DLGAP2: variants seen among roughly 807,000 people sequenced by gnomAD.
The protein encoded by DLGAP2 is disks large-associated protein 2.
In DLGAP2, 26 loss-of-function variants were observed where a neutral mutation model predicts 100.3. The observed-to-expected ratio is 0.26, with a 90% CI of 0.19 to 0.36. The LOEUF (loss-of-function observed/expected upper bound fraction) is 0.36. Among genes scored for constraint, DLGAP2 ranks in the 10% least tolerant of loss-of-function variants. DLGAP2 has a pLI of 1.00. For missense variants in DLGAP2, 1,858 were observed against 1,453.2 expected (o/e 1.28, Z -4.53); for synonymous variants, 886 against 630.1 (o/e 1.41, Z -6.08).
At chr8:963,564 C>G (rs973927908) in intron 2 of DLGAP2, among the ~76,000 whole-genome samples, 1 of 152,048 alleles carries the variant, frequency 6.6e-6, no homozygotes, top group East Asian at 1.9e-4. Flanking sequence ...CTCAACACAA[C>G]GTAAGCAAGG....
chr8:910,899 GC>G (rs1464828679), intron 2 of DLGAP2, among the ~76,000 whole-genome samples: 3 of 152,064 alleles, frequency 2.0e-5, no homozygotes, highest in Non-Finnish European at 4.4e-5. Context: ...TCCTGGATGC[GC>G]CACCACATTT....
At chr8:959,690 G>T (rs928334515) in intron 2 of DLGAP2, among the ~76,000 whole-genome samples, 1 of 152,192 alleles carries the variant, frequency 6.6e-6, no homozygotes, top group African/African-American at 2.4e-5. Context: ...TTCATCATGG[G>T]TGTGAGAGGT....
chr8:1,267,285 G>T (rs1337057397), intron 3 of DLGAP2, among the ~76,000 whole-genome samples: 3 of 141,340 alleles, frequency 2.1e-5, no homozygotes, highest in Admixed American at 7.2e-5. Flanking sequence ...AAATAAAAAG[G>T]TCTGGGTGCA....
intron 2 of DLGAP2, among the ~76,000 whole-genome samples, chr8:1,190,727 G>A (rs895507701): frequency 2.6e-5 from 4 of 152,168 alleles, no homozygotes; most frequent in Non-Finnish European, 5.9e-5. Context: ...GAGGTCACCT[G>A]CCTCAATGAA....
intron 2 of DLGAP2, among the ~76,000 whole-genome samples, chr8:940,353 A>G (rs1799166609): frequency 1.4e-5 from 2 of 142,264 alleles, no homozygotes; most frequent in Admixed American, 1.4e-4. Flanking sequence ...GCACAGGGAC[A>G]GAGAGAGAGA....
intron 1 of DLGAP2, among the ~76,000 whole-genome samples, chr8:773,707 A>G (rs1048696425): frequency 3.9e-5 from 6 of 152,002 alleles, no homozygotes; most frequent in African/African-American, 1.2e-4. Flanking sequence ...ATAGTATTCC[A>G]TGGTGTATAT....
chr8:936,557 CACTT>C (rs1563102974), intron 2 of DLGAP2, among the ~76,000 whole-genome samples: 1 of 152,136 alleles, frequency 6.6e-6, no homozygotes. Flanking sequence ...GAAGGAAACA[CACTT>C]AGACATGACG....
In DLGAP2 at chr8:1,063,446, T is replaced by C. The variant is rs190234800; in HGVS notation, c.73+155480T>C. On this transcript the variant is annotated intron_variant, in intron 2 of 14. Transcript: ENST00000637795. Reference sequence around the variant, plus strand: ...CTTTGTAACAAGTGACGGGCACCTGTGCAATCCACAAGACGATGGTCCAGT... The same window carrying C: ...CTTTGTAACAAGTGACGGGCACCTGCGCAATCCACAAGACGATGGTCCAGT... 6.0e-3 allele frequency among the ~76,000 whole-genome samples: 905 copies of C among 151,766 alleles called. 14 individuals are homozygous for C. The highest frequency in any genetic ancestry group is 0.02 in the African/African-American group (812 of 41,366).
intron 2 of DLGAP2, among the ~76,000 whole-genome samples, chr8:1,122,794 A>G (rs1479640298): frequency 1.3e-5 from 2 of 148,858 alleles, no homozygotes; most frequent in Non-Finnish European, 3.0e-5. Flanking sequence ...TGTCTTTTTA[A>G]GTTTGATTCA....
In DLGAP2 at chr8:1,548,621, C is replaced by T. The variant is rs1233042691; in HGVS notation, c.173-5C>T. On this transcript the variant is annotated splice_polypyrimidine_tract_variant and splice_region_variant and intron_variant, in intron 4 of 14. Coordinates refer to ENST00000637795, the MANE Select transcript of DLGAP2 (RefSeq NM_001346810.2). ...GTGTTCAATGCCGTTTCTGTTTCCC[C>T]ACAGACCCGCAGTACTCATGGTCGC... The T allele has an allele frequency of 2.0e-6, 3 of 1,499,696 alleles. No homozygotes were observed. Among genetic ancestry groups the T allele is most frequent in the Middle Eastern group, 1.8e-4 (1 of 5,684 alleles). 92.9% of individuals were successfully genotyped at this position (1,499,696 alleles called of 1,614,324 possible).
At chr8:878,986 C>G (rs974383997) in intron 1 of DLGAP2, among the ~76,000 whole-genome samples, 3 of 152,224 alleles carry the variant, frequency 2.0e-5, no homozygotes, top group Non-Finnish European at 2.9e-5. Flanking sequence ...AGTCCTGGGA[C>G]TGATGGTACT....
chr8:827,339 G>A (rs1261768366), intron 1 of DLGAP2, among the ~76,000 whole-genome samples: 1 of 152,102 alleles, frequency 6.6e-6, no homozygotes, highest in Non-Finnish European at 1.5e-5. Flanking sequence ...GTGTTCTTAG[G>A]GCATTGAATG....
At chr8:763,299 C>T (rs750953321) in intron 1 of DLGAP2, among the ~76,000 whole-genome samples, 1 of 152,182 alleles carries the variant, frequency 6.6e-6, no homozygotes, top group Non-Finnish European at 1.5e-5. Flanking sequence ...TAAGGACGCA[C>T]ATCGTATTGA....
chr8:1,595,498 C>T (rs1161037132), intron 6 of DLGAP2, among the ~76,000 whole-genome samples: 2 of 149,458 alleles, frequency 1.3e-5, no homozygotes, highest in Admixed American at 1.3e-4. Context: ...CCCGTCTCTA[C>T]TAAAAATACA....
intron 1 of DLGAP2, among the ~76,000 whole-genome samples, chr8:877,419 A>G (rs1797705676): frequency 6.6e-6 from 1 of 152,122 alleles, no homozygotes; most frequent in Non-Finnish European, 1.5e-5. Flanking sequence ...CAGGGGTTGC[A>G]GCTTTGGGTG....
chr8:763,402 G>T (rs957526556), intron 1 of DLGAP2, among the ~76,000 whole-genome samples: 1 of 152,222 alleles, frequency 6.6e-6, no homozygotes, highest in Non-Finnish European at 1.5e-5. Flanking sequence ...TGAATCTGAA[G>T]GGGGAGCTTC....
At chr8:1,003,246 A>G (rs970802580) in intron 2 of DLGAP2, 12 of 152,218 alleles carry the variant, frequency 7.9e-5, no homozygotes, top group African/African-American at 2.7e-4. Context: ...AGCAAACCGA[A>G]TGCACTGCCC....
chr8:1,554,007 G>T (rs1041398420), intron 5 of DLGAP2, among the ~76,000 whole-genome samples: 1 of 152,190 alleles, frequency 6.6e-6, no homozygotes, highest in African/African-American at 2.4e-5. Context: ...TTGTCACAGG[G>T]CCAGGCACGG....
At chr8:898,462 G>A (rs1017540240) in intron 1 of DLGAP2, among the ~76,000 whole-genome samples, 2 of 152,208 alleles carry the variant, frequency 1.3e-5, no homozygotes, top group Admixed American at 6.5e-5. Context: ...CGCTTCATCC[G>A]CAGGGCACAC....
Sources: gnomAD v4.1 joint callset for allele counts (sites outside exome capture counted in the v4.1 genomes callset) on GRCh38, gnomAD v4.1.1 for gene constraint, MANE v1.5 for transcripts, NCBI Gene and HGNC (gene_info 2026-07-23, HGNC 2026-07-21) for gene names.